ADAMTSL1: variants seen among roughly 807,000 people sequenced by gnomAD.
The protein encoded by ADAMTSL1 is ADAMTS-like protein 1.
Under a neutral mutation model 201.8 loss-of-function variants are expected in ADAMTSL1, and 126 were observed. The ratio of observed to expected loss-of-function variants is 0.62; its 90% CI spans 0.54 to 0.72. ADAMTSL1 has a LOEUF of 0.72. ADAMTSL1 is among the 30% of genes least tolerant of loss of function. The pLI is 0.00. For missense variants in ADAMTSL1, 2,679 were observed against 2,277.8 expected (o/e 1.18, Z -3.59); for synonymous variants, 1,121 against 903.4 (o/e 1.24, Z -4.32).
chr9:18,283,933 A>AAAAAAAAAAAAAAAAG (rs1832894769), intron 2 of ADAMTSL1, among the ~76,000 whole-genome samples: 1 of 132,400 alleles, frequency 7.6e-6, no homozygotes, highest in Non-Finnish European at 1.7e-5. Context: ...AAAAAAAAGA[A>AAAAAAAAAAAAAAAAG]GAAGAAGAAG....
At position 18,776,923 on chromosome 9, in the gene ADAMTSL1, C is replaced by T; in HGVS notation, c.2694C>T (p.Arg898=). ...TCCCCAAGACGGCGGTGGTGCTGCGCTGCCCGGCGCGCAGGGTCCGCAAGC... is the reference window on the plus strand; with the variant it reads ...TCCCCAAGACGGCGGTGGTGCTGCGTTGCCCGGCGCGCAGGGTCCGCAAGC... ...YLLPKTAVVL[R]CPARRVRKPL... Residue 898 remains arginine, a synonymous_variant, in exon 19 of 29, where the codon CGC becomes CGT. Transcript: ENST00000380548. 1.2e-6 allele frequency: 2 copies of T among 1,605,354 alleles called. No individual in the cohort carries two copies.
chr9:18,450,529 A>G (rs1025098488), intron 2 of ADAMTSL1, among the ~76,000 whole-genome samples: 1 of 151,952 alleles, frequency 6.6e-6, no homozygotes, highest in Non-Finnish European at 1.5e-5. Context: ...CATGAAAACC[A>G]TATCTCTTTT....
chr9:18,167,891 T>C (rs1340010029), intron 2 of ADAMTSL1, among the ~76,000 whole-genome samples: 2 of 152,020 alleles, frequency 1.3e-5, no homozygotes, highest in African/African-American at 4.8e-5. Flanking sequence ...TTTGAGTTAC[T>C]GAAGAATGAC....
intron 20 of ADAMTSL1, among the ~76,000 whole-genome samples, chr9:18,807,426 C>T (rs1054604794): frequency 6.6e-6 from 1 of 151,930 alleles, no homozygotes; most frequent in Non-Finnish European, 1.5e-5. Flanking sequence ...GGGCGGATCA[C>T]GAGGTCAGGA....
At chr9:18,630,862 C>A (rs1826721877) in intron 5 of ADAMTSL1, among the ~76,000 whole-genome samples, 1 of 152,128 alleles carries the variant, frequency 6.6e-6, no homozygotes, top group East Asian at 1.9e-4. Flanking sequence ...TGCAGTTAAG[C>A]ACCTGTAATT....
chr9:18,289,952 G>C (rs1282666364), intron 2 of ADAMTSL1, among the ~76,000 whole-genome samples: 3 of 152,122 alleles, frequency 2.0e-5, no homozygotes, highest in South Asian at 2.1e-4. Context: ...TTACCCTCTG[G>C]AGTGTGTTAT....
At chr9:18,277,197 G>A (rs542458616) in intron 2 of ADAMTSL1, among the ~76,000 whole-genome samples, 1 of 152,104 alleles carries the variant, frequency 6.6e-6, no homozygotes, top group Non-Finnish European at 1.5e-5. Flanking sequence ...TTGTTCACTT[G>A]AAAATAATAT....
At chr9:18,184,537 C>A (rs1031742536) in intron 2 of ADAMTSL1, among the ~76,000 whole-genome samples, 3 of 152,078 alleles carry the variant, frequency 2.0e-5, no homozygotes, top group African/African-American at 7.2e-5. Flanking sequence ...GGGAAACTTC[C>A]GCTTTTATTT....
At chr9:18,660,026 T>C (rs527901647) in intron 8 of ADAMTSL1, among the ~76,000 whole-genome samples, 2 of 152,274 alleles carry the variant, frequency 1.3e-5, no homozygotes, top group East Asian at 3.9e-4. Context: ...AATCGTTCAT[T>C]ACATAATAGG....
At chr9:18,808,916 T>C (rs1041515890) in intron 20 of ADAMTSL1, among the ~76,000 whole-genome samples, 12 of 152,304 alleles carry the variant, frequency 7.9e-5, no homozygotes, top group Admixed American at 2.6e-4. Context: ...TAAAAGATAG[T>C]ACTGTTGTTT....
intron 18 of ADAMTSL1, 91 bp downstream of exon 18, chr9:18,775,987 C>T: frequency 6.8e-7 from 1 of 1,480,016 alleles, no homozygotes; most frequent in Non-Finnish European, 9.1e-7. Flanking sequence ...AAACTCAAGA[C>T]CTGTGGGAAA....
chr9:18,345,756 G>A (rs1039262757), intron 2 of ADAMTSL1, among the ~76,000 whole-genome samples: 1 of 152,148 alleles, frequency 6.6e-6, no homozygotes, highest in Non-Finnish European at 1.5e-5. Context: ...GGTGAGAGGA[G>A]CTGCTTCTGT....
intron 4 of ADAMTSL1, among the ~76,000 whole-genome samples, chr9:18,596,833 G>A (rs552125761): frequency 6.6e-6 from 1 of 152,188 alleles, no homozygotes; most frequent in African/African-American, 2.4e-5. Flanking sequence ...GTGAAACACT[G>A]TAATTCAGTT....
At chr9:18,272,728 G>C (rs73426981) in intron 2 of ADAMTSL1, among the ~76,000 whole-genome samples, 5,068 of 152,184 alleles carry the variant, frequency 0.033, 147 homozygotes, top group African/African-American at 0.079. Context: ...CCTAGACATT[G>C]TGTTCACCCT....
intron 15 of ADAMTSL1, among the ~76,000 whole-genome samples, chr9:18,747,663 T>C (rs1588036333): frequency 6.6e-6 from 1 of 152,204 alleles, no homozygotes; most frequent in African/African-American, 2.4e-5. Context: ...CTGGCTCATT[T>C]AAGTACGATA....
At chr9:17,993,594 C>A (rs1819251088) in intron 1 of ADAMTSL1, among the ~76,000 whole-genome samples, 1 of 152,136 alleles carries the variant, frequency 6.6e-6, no homozygotes, top group East Asian at 1.9e-4. Context: ...TCATTGTCAG[C>A]CATCTCAACT....
chr9:18,402,984 T>C (rs547244085), intron 2 of ADAMTSL1, among the ~76,000 whole-genome samples: 1 of 152,208 alleles, frequency 6.6e-6, no homozygotes, highest in African/African-American at 2.4e-5. Context: ...ATGTGCCCAT[T>C]TTCTAGATGA....
intron 1 of ADAMTSL1, among the ~76,000 whole-genome samples, chr9:18,476,103 A>G (rs1182613457): frequency 6.6e-6 from 1 of 152,138 alleles, no homozygotes; most frequent in Non-Finnish European, 1.5e-5. Context: ...CCTGCATTTA[A>G]ATTAAGTGGA....
At chr9:18,202,667 C>T (rs1020745781) in intron 2 of ADAMTSL1, among the ~76,000 whole-genome samples, 5 of 152,174 alleles carry the variant, frequency 3.3e-5, no homozygotes, top group African/African-American at 1.2e-4. Context: ...CTGAACACAC[C>T]TCTATCCTAG....
Sources: allele counts gnomAD v4.1 joint callset (sites outside exome capture counted in the v4.1 genomes callset), GRCh38; gene constraint gnomAD v4.1.1; transcripts MANE v1.5; gene names NCBI Gene and HGNC (gene_info 2026-07-23, HGNC 2026-07-21).